FHIT: variants seen among roughly 807,000 people sequenced by gnomAD.
The protein encoded by FHIT is fragile histidine triad diadenosine triphosphatase, also known as bis(5'-adenosyl)-triphosphatase.
FHIT carries 19 observed loss-of-function variants against 17.9 expected under a neutral mutation model. The observed-to-expected ratio is 1.06, with a 90% confidence interval of 0.74 to 1.56. The LOEUF is 1.56. Ranked by LOEUF, FHIT falls within the 40% of genes most tolerant of loss-of-function variation. The pLI is 0.00. For missense variants in FHIT, 248 were observed against 189.2 expected (o/e 1.31, Z -1.82); for synonymous variants, 81 against 69.7 (o/e 1.16, Z -0.81).
chr3:60,861,224 T>TATCATATCATATAATATATGATAC (rs1553752450), intron 3 of FHIT, among the ~76,000 whole-genome samples: 2 of 32,536 alleles, frequency 6.1e-5, no homozygotes, highest in African/African-American at 1.8e-4. Flanking sequence ...ATATATGATA[T>TATCATATCATATAATATATGATAC]ATATGATATA....
At chr3:60,172,610 A>C (rs1020342942) in intron 5 of FHIT, among the ~76,000 whole-genome samples, 16 of 152,236 alleles carry the variant, frequency 1.1e-4, no homozygotes, top group Admixed American at 3.3e-4. Context: ...AGAAAGAAAG[A>C]CGTGGGATAG....
At chr3:60,764,494 G>T (rs1699779698) in intron 4 of FHIT, among the ~76,000 whole-genome samples, 1 of 152,092 alleles carries the variant, frequency 6.6e-6, no homozygotes, top group Non-Finnish European at 1.5e-5. Flanking sequence ...GACATTCACT[G>T]CTATTAAGCA....
At chr3:59,997,820 C>T (rs558187754) in intron 7 of FHIT, among the ~76,000 whole-genome samples, 197 of 152,278 alleles carry the variant, frequency 1.3e-3, no homozygotes, top group African/African-American at 4.7e-3. Context: ...CCCTCTACCC[C>T]CACCTTTTTA....
At chr3:60,600,505 C>A (rs558051682) in intron 4 of FHIT, among the ~76,000 whole-genome samples, 132 of 152,196 alleles carry the variant, frequency 8.7e-4, no homozygotes, top group African/African-American at 3.1e-3. Context: ...TAATACCTTA[C>A]CCAACACCTA....
Position 60,210,051 on chromosome 3 carries a change from C to T in FHIT, c.104-195899G>A, listed in dbSNP as rs925545402. On this transcript the variant is annotated intron_variant, in intron 5 of 9. Coordinates refer to ENST00000492590, the MANE Select transcript of FHIT (RefSeq NM_002012.4). Reference sequence around the variant, plus strand: ...CACGTTCTGCGCATGTATCCCAGAACTTAAAATAAAAAATTAAGTATCAAT... The same window carrying T: ...CACGTTCTGCGCATGTATCCCAGAATTTAAAATAAAAAATTAAGTATCAAT... Among the ~76,000 whole-genome samples the T allele has an allele frequency of 2.0e-4, 30 of 152,108 alleles. 2 individuals are homozygous for T. The highest frequency in any genetic ancestry group is 7.2e-4 in the Admixed American group (11 of 15,282).
chr3:60,114,953 G>T (rs909095972), intron 5 of FHIT, among the ~76,000 whole-genome samples: 1 of 152,088 alleles, frequency 6.6e-6, no homozygotes, highest in East Asian at 1.9e-4. Flanking sequence ...CAGATTCTAG[G>T]AAGAAAGAGC....
In FHIT at chr3:60,439,688, T is replaced by C. The variant is rs1576655626; in HGVS notation, c.103+97172A>G. 5.9e-5 allele frequency among the ~76,000 whole-genome samples: 9 copies of C among 152,222 alleles called. No homozygotes were observed. The South Asian group carries it at 1.9e-3, about 32-fold the overall frequency. On this transcript the variant is annotated intron_variant, in intron 5 of 9. Coordinates refer to ENST00000492590, the MANE Select transcript of FHIT (RefSeq NM_002012.4). ...AACACTCACTTCTCTCTGGGCATCA[T>C]GTGTCTCCCAACCCTTGAGTGTCAA...
chr3:60,818,579 AT>A (rs1553738340), intron 4 of FHIT, among the ~76,000 whole-genome samples: 1 of 152,144 alleles, frequency 6.6e-6, no homozygotes, highest in African/African-American at 2.4e-5. Flanking sequence ...TTCATCTACA[AT>A]TCCTACTTCT....
At chr3:60,648,269 A>G (rs1294561192) in intron 4 of FHIT, among the ~76,000 whole-genome samples, 2 of 152,232 alleles carry the variant, frequency 1.3e-5, no homozygotes, top group East Asian at 3.8e-4. Flanking sequence ...TGTTATTTAT[A>G]ATGCAATATG....
chr3:59,948,025 ACT>A (rs907471642), intron 7 of FHIT, among the ~76,000 whole-genome samples: 1 of 152,080 alleles, frequency 6.6e-6, no homozygotes, highest in African/African-American at 2.4e-5. Flanking sequence ...TAGATGTACC[ACT>A]GTTTGTTTAA....
chr3:59,949,175 T>C (rs1388436477), intron 7 of FHIT, among the ~76,000 whole-genome samples: 1 of 152,266 alleles, frequency 6.6e-6, no homozygotes, highest in Non-Finnish European at 1.5e-5. Context: ...ATCTTCTAGA[T>C]ATGAGTCCTT....
intron 4 of FHIT, among the ~76,000 whole-genome samples, chr3:60,592,214 C>CTA (rs1405941157): frequency 0.012 from 1,718 of 144,358 alleles, 26 homozygotes; most frequent in African/African-American, 0.038. Flanking sequence ...TATGTAACCT[C>CTA]TATATATATA....
intron 4 of FHIT, among the ~76,000 whole-genome samples, chr3:60,622,508 A>G (rs1553679176): frequency 6.6e-6 from 1 of 152,198 alleles, no homozygotes; most frequent in African/African-American, 2.4e-5. Flanking sequence ...AATTGTATCC[A>G]CAGGGACTAT....
At chr3:60,358,887 T>G (rs757340076) in intron 5 of FHIT, among the ~76,000 whole-genome samples, 3 of 152,226 alleles carry the variant, frequency 2.0e-5, no homozygotes, top group African/African-American at 7.2e-5. Flanking sequence ...ACTCATAGAA[T>G]TGATGGAAGA....
chr3:60,464,211 T>G (rs1007033834), intron 5 of FHIT, among the ~76,000 whole-genome samples: 1 of 152,274 alleles, frequency 6.6e-6, no homozygotes, highest in South Asian at 2.1e-4. Flanking sequence ...CCTGCATTCA[T>G]TTTTTTAAAA....
chr3:60,603,009 T>C (rs1217437722), intron 4 of FHIT, among the ~76,000 whole-genome samples: 1 of 152,192 alleles, frequency 6.6e-6, no homozygotes, highest in Non-Finnish European at 1.5e-5. Context: ...ACCCAGTTTA[T>C]GGTATTTTGC....
intron 4 of FHIT, among the ~76,000 whole-genome samples, chr3:60,587,307 C>T (rs782483412): frequency 9.9e-5 from 15 of 152,004 alleles, no homozygotes; most frequent in East Asian, 1.9e-4. Context: ...ACAATGAGAA[C>T]ACATGAACAC....
At chr3:60,141,116 A>G (rs13090962) in intron 5 of FHIT, among the ~76,000 whole-genome samples, 11,476 of 152,222 alleles carry the variant, frequency 0.075, 666 homozygotes, top group Non-Finnish European at 0.11. Context: ...TCTGTCAGTC[A>G]TCTACTGTGC....
At chr3:61,045,872 C>T (rs946066369) in intron 2 of FHIT, among the ~76,000 whole-genome samples, 1 of 152,120 alleles carries the variant, frequency 6.6e-6, no homozygotes, top group Non-Finnish European at 1.5e-5. Flanking sequence ...AACTGAACAA[C>T]CTGCTCCTAA....
Sources: gnomAD v4.1 joint callset for allele counts (sites outside exome capture counted in the v4.1 genomes callset) on GRCh38, gnomAD v4.1.1 for gene constraint, MANE v1.5 for transcripts, NCBI Gene and HGNC (gene_info 2026-07-23, HGNC 2026-07-21) for gene names.